The following PGBD5 variants were observed in gnomAD, a reference collection of about 807,000 sequenced individuals.
The protein encoded by PGBD5 is piggyBac transposable element derived 5.
PGBD5 carries 14 observed loss-of-function variants against 47.9 expected under a neutral mutation model. The ratio of observed to expected loss-of-function variants is 0.29; its 90% CI spans 0.19 to 0.46. The LOEUF (loss-of-function observed/expected upper bound fraction) is 0.46. Among genes scored for constraint, PGBD5 ranks in the 20% least tolerant of loss-of-function variants. The pLI is 1.00. For missense variants in PGBD5, 635 were observed against 716.0 expected (o/e 0.89, Z 1.29); for synonymous variants, 316 against 306.3 (o/e 1.03, Z -0.33).
chr1:230,422,279 C>A (rs146277002), intron 1 of PGBD5, among the ~76,000 whole-genome samples: 1 of 152,074 alleles, frequency 6.6e-6, no homozygotes, highest in African/African-American at 2.4e-5. Context: ...CTGCCTCCTC[C>A]GAGAAACGAA....
intron 4 of PGBD5, 98 bp from the exon 5 acceptor site, chr1:230,333,139 CG>C: frequency 7.7e-7 from 1 of 1,297,246 alleles, no homozygotes; most frequent in East Asian, 2.5e-5. Context: ...CGGGACTGCC[CG>C]GTTCTGAGGC....
At chr1:230,352,463 C>T (rs1377522573) in intron 2 of PGBD5, among the ~76,000 whole-genome samples, 1 of 152,110 alleles carries the variant, frequency 6.6e-6, no homozygotes, top group African/African-American at 2.4e-5. Context: ...ATGTGGACAG[C>T]TGCCTTCCAT....
chr1:230,406,336 A>G (rs994506222), intron 1 of PGBD5, among the ~76,000 whole-genome samples: 21 of 149,584 alleles, frequency 1.4e-4, no homozygotes, highest in African/African-American at 4.9e-4. Flanking sequence ...AAAAAAAAAG[A>G]AATTCTGTTA....
chr1:230,329,907 A>G (rs1339470936), intron 5 of PGBD5, among the ~76,000 whole-genome samples: 8 of 152,252 alleles, frequency 5.3e-5, no homozygotes, highest in Non-Finnish European at 1.2e-4. Context: ...CTTGGGACAG[A>G]GCAGAGACCT....
At chr1:230,351,578 T>G (rs1378442155) in intron 2 of PGBD5, among the ~76,000 whole-genome samples, 2 of 152,196 alleles carry the variant, frequency 1.3e-5, no homozygotes, top group Admixed American at 1.3e-4. Context: ...AACCTAGGGA[T>G]GTGACTTCTG....
At chr1:230,403,085 G>A (rs1657183231) in intron 1 of PGBD5, among the ~76,000 whole-genome samples, 1 of 152,206 alleles carries the variant, frequency 6.6e-6, no homozygotes, top group Admixed American at 6.5e-5. Flanking sequence ...AACACCAAGT[G>A]CTTAGTCTAT....
chr1:230,380,614 G>A (rs1004588654), intron 1 of PGBD5, among the ~76,000 whole-genome samples: 11 of 152,202 alleles, frequency 7.2e-5, no homozygotes, highest in African/African-American at 1.7e-4. Context: ...GGAGATGCAA[G>A]GTACTATCCA....
At chr1:230,400,995 T>G (rs1357299325) in intron 1 of PGBD5, among the ~76,000 whole-genome samples, 1 of 152,198 alleles carries the variant, frequency 6.6e-6, no homozygotes. Context: ...CTAAAGCCCA[T>G]GAGATTGTAT....
chr1:230,416,210 A>C (rs927694552), intron 1 of PGBD5, among the ~76,000 whole-genome samples: 1 of 152,278 alleles, frequency 6.6e-6, no homozygotes, highest in Middle Eastern at 3.4e-3. Flanking sequence ...TGGTCTTCCA[A>C]CCAGGACAGA....
chr1:230,388,436 G>C (rs1656704259), intron 1 of PGBD5, among the ~76,000 whole-genome samples: 1 of 140,854 alleles, frequency 7.1e-6, no homozygotes, highest in African/African-American at 2.7e-5. Context: ...TTTTTTTTGA[G>C]ATGGAGTCTC....
chr1:230,352,011 A>C (rs1018510178), intron 2 of PGBD5, among the ~76,000 whole-genome samples: 1 of 152,204 alleles, frequency 6.6e-6, no homozygotes, highest in African/African-American at 2.4e-5. Context: ...TCCTATCTCA[A>C]GCTTAATTAT....
chr1:230,417,685 C>T (rs966724331), intron 1 of PGBD5, among the ~76,000 whole-genome samples: 1 of 152,180 alleles, frequency 6.6e-6, no homozygotes, highest in African/African-American at 2.4e-5. Flanking sequence ...CTTCTCCAAC[C>T]CAGCTGGAGG....
At chr1:230,368,256 A>T in intron 1 of PGBD5, 5 of 1,217,138 alleles carry the variant, frequency 4.1e-6, no homozygotes, top group Non-Finnish European at 5.3e-6. Flanking sequence ...TGCCTAAAAT[A>T]AATTCTTAGA....
rs778271334 is a variant in PGBD5 at position 230,337,157 on chromosome 1, C to A, written c.1026G>T (p.Thr342=). ...NAAGKNYIIF[T]GPSITSLTLF... ...GCGTCAGGCTGGTGATGCTGGGCCC[C>A]GTGAAAATGATGTAGTTCTTGCCTG... The change falls in exon 4 of 7, where the codon ACG becomes ACT. Residue 342 remains threonine (T), a synonymous_variant. Transcript: ENST00000391860. 4 of 1,614,184 alleles carry A rather than the reference C, an allele frequency of 2.5e-6. No homozygotes were observed. The highest frequency in any genetic ancestry group is 2.2e-5 in the East Asian group (1 of 44,876).
intron 1 of PGBD5, among the ~76,000 whole-genome samples, chr1:230,397,835 C>T (rs1264137420): frequency 6.6e-6 from 1 of 152,190 alleles, no homozygotes; most frequent in Admixed American, 6.5e-5. Context: ...AGCTTAACCA[C>T]AGGATGCTGC....
intron 5 of PGBD5, among the ~76,000 whole-genome samples, chr1:230,326,057 C>G (rs566298720): frequency 6.6e-6 from 1 of 152,322 alleles, no homozygotes; most frequent in South Asian, 2.1e-4. Flanking sequence ...GATCTCCATA[C>G]ATTATATGTA....
intron 1 of PGBD5, among the ~76,000 whole-genome samples, chr1:230,370,233 A>G (rs770677392): frequency 6.6e-6 from 1 of 152,182 alleles, no homozygotes; most frequent in South Asian, 2.1e-4. Flanking sequence ...TGCTGGTCCC[A>G]TCGTGGCCTC....
chr1:230,351,565 T>G (rs1667561211), intron 2 of PGBD5, among the ~76,000 whole-genome samples: 1 of 152,104 alleles, frequency 6.6e-6, no homozygotes, highest in Admixed American at 6.6e-5. Flanking sequence ...TATATTTAAC[T>G]GAAACCTAGG....
At chr1:230,393,792 T>G (rs1443286746) in intron 1 of PGBD5, among the ~76,000 whole-genome samples, 2 of 122,810 alleles carry the variant, frequency 1.6e-5, no homozygotes, top group African/African-American at 6.3e-5. Context: ...GCCACAGCAC[T>G]CCCGCCTGGG....
Sources: gnomAD v4.1 joint callset for allele counts (sites outside exome capture counted in the v4.1 genomes callset) on GRCh38, gnomAD v4.1.1 for gene constraint, MANE v1.5 for transcripts, NCBI Gene and HGNC (gene_info 2026-07-23, HGNC 2026-07-21) for gene names.